WDR70: variants seen among roughly 807,000 people sequenced by gnomAD.
WDR70 encodes WD repeat domain 70.
Under a neutral mutation model 88.6 loss-of-function variants are expected in WDR70, and 53 were observed. That is an observed-to-expected ratio of 0.60 (90% confidence interval 0.48 to 0.75). The LOEUF is 0.75. Among genes scored for constraint, WDR70 ranks in the 30% least tolerant of loss-of-function variants. WDR70 has a pLI of 0.00. For missense variants in WDR70, 610 were observed against 823.2 expected (o/e 0.74, Z 3.17); for synonymous variants, 280 against 270.0 (o/e 1.04, Z -0.36).
intron 9 of WDR70, among the ~76,000 whole-genome samples, chr5:37,569,583 G>A (rs756224194): frequency 2.2e-4 from 33 of 152,084 alleles, no homozygotes; most frequent in Non-Finnish European, 3.1e-4. Flanking sequence ...TCATTCTTGC[G>A]TGCTCAATGT....
chr5:37,422,603 G>A (rs1298800093), intron 5 of WDR70, among the ~76,000 whole-genome samples: 1 of 151,800 alleles, frequency 6.6e-6, no homozygotes, highest in African/African-American at 2.4e-5. Flanking sequence ...TCAGCCTCCC[G>A]AGTAGCTGGG....
chr5:37,462,528 G>A (rs564886285), intron 7 of WDR70, among the ~76,000 whole-genome samples: 10 of 151,966 alleles, frequency 6.6e-5, no homozygotes, highest in African/African-American at 2.4e-4. Flanking sequence ...GGTCTCGATC[G>A]CCTGACCTTG....
At chr5:37,421,114 C>T (rs535466289) in intron 5 of WDR70, among the ~76,000 whole-genome samples, 11 of 152,100 alleles carry the variant, frequency 7.2e-5, no homozygotes, top group East Asian at 1.9e-4. Context: ...AACTAGTATT[C>T]GGAAGTGCTA....
At chr5:37,497,118 A>G (rs1740239854) in intron 8 of WDR70, among the ~76,000 whole-genome samples, 1 of 152,024 alleles carries the variant, frequency 6.6e-6, no homozygotes, top group Admixed American at 6.6e-5. Context: ...GCTAGTCACT[A>G]TAAATTATTT....
At chr5:37,427,354 A>G (rs1244553130) in intron 5 of WDR70, among the ~76,000 whole-genome samples, 2 of 151,826 alleles carry the variant, frequency 1.3e-5, no homozygotes, top group African/African-American at 2.4e-5. Flanking sequence ...GCTCCACTGC[A>G]GTCCGGCCTG....
intron 9 of WDR70, among the ~76,000 whole-genome samples, chr5:37,583,342 A>G (rs1743273232): frequency 1.3e-5 from 2 of 150,976 alleles, no homozygotes; most frequent in Non-Finnish European, 2.9e-5. Context: ...AATGGCGTGA[A>G]CCCAGGAGGC....
rs545435135 is a variant in WDR70 at position 37,578,933 on chromosome 5, G to A, written c.918-26131G>A. Among the ~76,000 whole-genome samples the A allele has an allele frequency of 2.0e-5, 3 of 152,238 alleles. No homozygotes were observed. In the South Asian group the frequency reaches 6.2e-4, roughly 32 times the overall value. ...GTTCTCATTTAAATAACTTTTTTGA[G>A]ATTTTAATTTTCCTGTGTAATTTTA... On this transcript the variant is annotated intron_variant, in intron 9 of 17. Transcript: ENST00000265107.
At chr5:37,424,367 T>C (rs555771049) in intron 5 of WDR70, among the ~76,000 whole-genome samples, 33 of 149,586 alleles carry the variant, frequency 2.2e-4, no homozygotes, top group African/African-American at 7.9e-4. Flanking sequence ...AATGGAGGCA[T>C]CAGTACTGCA....
Position 37,379,352 on chromosome 5 carries a change from G to C in WDR70, c.-16G>C. On this transcript the variant is annotated 5_prime_UTR_variant, in exon 1 of 18. Transcript: ENST00000265107. ...TGGGCTGTCCCTGTGGCTGGTTCTG[G>C]GGTGTGCGGCCAGCCATGGAGCGCT... is the stretch of plus-strand genomic sequence containing the variant. 6.2e-7 allele frequency: 1 copy of C among 1,613,628 alleles called. No homozygotes were observed. Among genetic ancestry groups the C allele is most frequent in the Non-Finnish European group, 8.5e-7 (1 of 1,179,798 alleles).
At chr5:37,525,612 G>A (rs1165375256) in intron 9 of WDR70, among the ~76,000 whole-genome samples, 4 of 152,076 alleles carry the variant, frequency 2.6e-5, no homozygotes, top group Non-Finnish European at 4.4e-5. Flanking sequence ...CTAGCAGAAG[G>A]CAAGAAATAA....
At chr5:37,631,889 A>G (rs1261939196) in intron 10 of WDR70, among the ~76,000 whole-genome samples, 1 of 152,218 alleles carries the variant, frequency 6.6e-6, no homozygotes, top group African/African-American at 2.4e-5. Flanking sequence ...GTGCACCCAC[A>G]GAGTACCAGC....
At chr5:37,483,490 A>G (rs929934414) in intron 8 of WDR70, among the ~76,000 whole-genome samples, 1 of 152,214 alleles carries the variant, frequency 6.6e-6, no homozygotes, top group African/African-American at 2.4e-5. Flanking sequence ...GAAGTCTCCC[A>G]TGTCTACTTC....
At chr5:37,617,232 A>G (rs993064823) in intron 10 of WDR70, among the ~76,000 whole-genome samples, 1 of 152,214 alleles carries the variant, frequency 6.6e-6, no homozygotes, top group Non-Finnish European at 1.5e-5. Context: ...GCATCTAGTT[A>G]GTTTTGGAGC....
At chr5:37,697,083 G>A (rs1747006297) in intron 10 of WDR70, among the ~76,000 whole-genome samples, 1 of 152,158 alleles carries the variant, frequency 6.6e-6, no homozygotes, top group Non-Finnish European at 1.5e-5. Flanking sequence ...CTTACAGAGT[G>A]ATTGTGAGGA....
intron 7 of WDR70, among the ~76,000 whole-genome samples, chr5:37,446,415 T>G: frequency 6.6e-6 from 1 of 152,218 alleles, no homozygotes; most frequent in East Asian, 1.9e-4. Context: ...CCAATGACTT[T>G]CTTCATAGAA....
intron 10 of WDR70, among the ~76,000 whole-genome samples, chr5:37,675,379 A>T (rs1746171789): frequency 6.6e-6 from 1 of 152,056 alleles, no homozygotes; most frequent in African/African-American, 2.4e-5. Context: ...CTAACGTTTA[A>T]GTCTTTAATC....
intron 9 of WDR70, among the ~76,000 whole-genome samples, chr5:37,570,728 A>G (rs1742876128): frequency 6.6e-6 from 1 of 152,146 alleles, no homozygotes; most frequent in African/African-American, 2.4e-5. Context: ...TGTCTGAAGA[A>G]ATGTCTTTTG....
chr5:37,596,791 G>A (rs1382916007), intron 9 of WDR70, among the ~76,000 whole-genome samples: 1 of 152,046 alleles, frequency 6.6e-6, no homozygotes, highest in African/African-American at 2.4e-5. Context: ...TACATGTGTA[G>A]GTCTGTGTGA....
intron 8 of WDR70, among the ~76,000 whole-genome samples, chr5:37,480,951 G>A (rs1453505593): frequency 6.6e-6 from 1 of 152,132 alleles, no homozygotes; most frequent in East Asian, 1.9e-4. Context: ...TTTTTCAAAT[G>A]AGAGAAATTG....
Sources: allele counts gnomAD v4.1 joint callset (sites outside exome capture counted in the v4.1 genomes callset), GRCh38; gene constraint gnomAD v4.1.1; transcripts MANE v1.5; gene names NCBI Gene and HGNC (gene_info 2026-07-23, HGNC 2026-07-21).